CERKL: variants seen among roughly 807,000 people sequenced by gnomAD.
CERKL encodes ceramide kinase-like protein.
Under a neutral mutation model 63.4 loss-of-function variants are expected in CERKL, and 61 were observed. The observed-to-expected ratio is 0.96, with a 90% CI of 0.78 to 1.19. The LOEUF (loss-of-function observed/expected upper bound fraction) is 1.19. CERKL is among the 50% of genes most tolerant of loss of function. The pLI, the probability that CERKL is intolerant of heterozygous loss-of-function variation, is 0.00. For synonymous variants in CERKL, 250 were observed against 230.5 expected, an observed-to-expected ratio of 1.08 and a Z score of -0.77; for missense variants, 675 against 655.5, an observed-to-expected ratio of 1.03 and a Z score of -0.33.
intron 4 of CERKL, among the ~76,000 whole-genome samples, chr2:181,564,386 A>G (rs2105830150): frequency 6.6e-6 from 1 of 152,258 alleles, no homozygotes; most frequent in African/African-American, 2.4e-5. Flanking sequence ...ACACTTACAT[A>G]ACTCAATTCA....
intron 1 of CERKL, among the ~76,000 whole-genome samples, chr2:181,628,927 C>T (rs1022331642): frequency 6.6e-6 from 1 of 152,034 alleles, no homozygotes; most frequent in Non-Finnish European, 1.5e-5. Context: ...CAGAGCCTTA[C>T]CAAATCAAGA....
At chr2:181,631,046 A>C (rs1686935343) in intron 1 of CERKL, among the ~76,000 whole-genome samples, 1 of 152,200 alleles carries the variant, frequency 6.6e-6, no homozygotes, top group Non-Finnish European at 1.5e-5. Flanking sequence ...GAATTATTTT[A>C]GGTGGGAATT....
intron 1 of CERKL, among the ~76,000 whole-genome samples, chr2:181,612,516 T>A (rs1224129579): frequency 1.3e-5 from 2 of 152,192 alleles, no homozygotes; most frequent in Admixed American, 6.5e-5. Flanking sequence ...TGTGCTTCTT[T>A]GTATCTGGTT....
chr2:181,591,121 T>C (rs993650), intron 2 of CERKL, among the ~76,000 whole-genome samples: 56,283 of 152,012 alleles, frequency 0.37, 13,652 homozygotes, highest in African/African-American at 0.68. Flanking sequence ...TTCCAGTATA[T>C]GCTGTTAAGT....
At chr2:181,607,348 A>C (rs6433926) in intron 1 of CERKL, among the ~76,000 whole-genome samples, 112,623 of 152,126 alleles carry the variant, frequency 0.74, 43,034 homozygotes, top group East Asian at 0.94. Flanking sequence ...ATTCAACATT[A>C]CAATTAACTA....
chr2:181,554,054 C>T (rs931913192), intron 5 of CERKL, among the ~76,000 whole-genome samples: 1 of 151,702 alleles, frequency 6.6e-6, no homozygotes, highest in Non-Finnish European at 1.5e-5. Flanking sequence ...ACTTTGCCTA[C>T]CACTTCCTCC....
intron 1 of CERKL, among the ~76,000 whole-genome samples, chr2:181,634,112 C>T (rs1189960440): frequency 1.3e-5 from 2 of 152,234 alleles, no homozygotes; most frequent in African/African-American, 4.8e-5. Context: ...CCATAGACAG[C>T]TTCGGTTTCT....
Position 181,558,771 on chromosome 2 carries a change from A to T in CERKL, c.678-63T>A. The T allele has an allele frequency of 3.9e-6, 6 of 1,530,650 alleles. No individual in the cohort carries two copies. Among genetic ancestry groups the T allele is most frequent in the Non-Finnish European group, 4.5e-6 (5 of 1,106,390 alleles). The allele number at this position is 1,530,650 out of a possible 1,614,324, so 94.8% of individuals were successfully genotyped here. A position where few individuals can be genotyped will look rare whatever the true frequency, so the allele number is the denominator to read the frequency against. ...CAGAATGATTGGTAATAAGTCATGA[A>T]ATCTAGACTTCAAAATAGTTTACTA... On this transcript the variant is annotated intron_variant, in intron 4 of 12. Transcript: ENST00000410087. The surrounding 1 kb of genome is among the most constrained non-coding windows in gnomAD (Gnocchi z 4.2).
Position 181,559,227 on chromosome 2 carries a change from A to G in CERKL, c.678-519T>C, listed in dbSNP as rs371062179. On this transcript the variant is annotated intron_variant, in intron 4 of 12. Coordinates refer to ENST00000410087, the MANE Select transcript of CERKL (RefSeq NM_201548.5). ...TAATTACAAACCTGACCTGAATTTC[A>G]TCTCCTTGACATTATTGCTATACGG... is the stretch of plus-strand genomic sequence containing the variant. 1.2e-3 allele frequency among the ~76,000 whole-genome samples: 183 copies of G among 152,268 alleles called. 6 individuals are homozygous for G. In the South Asian group the frequency reaches 0.035, roughly 30 times the overall value.
chr2:181,656,654 G>C, intron 1 of CERKL, 115 bp downstream of exon 1: 1 of 901,838 alleles, frequency 1.1e-6, no homozygotes, highest in Non-Finnish European at 1.6e-6. Flanking sequence ...GCGAGCACGG[G>C]GAGGGGAGGC....
At chr2:181,588,030 T>A (rs1422449694) in intron 2 of CERKL, among the ~76,000 whole-genome samples, 3 of 152,224 alleles carry the variant, frequency 2.0e-5, no homozygotes, top group African/African-American at 4.8e-5. Flanking sequence ...TACATCATGT[T>A]GTTTTGAAAT....
chr2:181,632,313 T>C (rs1181053463), intron 1 of CERKL, among the ~76,000 whole-genome samples: 1 of 152,158 alleles, frequency 6.6e-6, no homozygotes, highest in Non-Finnish European at 1.5e-5. Context: ...AAAACAGAAA[T>C]CCCTTAACAC....
At chr2:181,576,928 G>A (rs1684254545) in intron 2 of CERKL, among the ~76,000 whole-genome samples, 1 of 152,140 alleles carries the variant, frequency 6.6e-6, no homozygotes, top group African/African-American at 2.4e-5. Flanking sequence ...TTCAAATTGT[G>A]GTCTCAGAGA....
At chr2:181,644,599 T>C (rs1170297017) in intron 1 of CERKL, among the ~76,000 whole-genome samples, 1 of 152,176 alleles carries the variant, frequency 6.6e-6, no homozygotes, top group South Asian at 2.1e-4. Context: ...CTTCCTGCCA[T>C]GAACCTCACA....
intron 3 of CERKL, among the ~76,000 whole-genome samples, chr2:181,568,583 G>C (rs906780363): frequency 1.3e-5 from 2 of 151,634 alleles, no homozygotes; most frequent in Non-Finnish European, 2.9e-5. Context: ...TCTGTAACCA[G>C]AATATCTAAA....
intron 2 of CERKL, among the ~76,000 whole-genome samples, chr2:181,598,607 G>C (rs1685322449): frequency 6.6e-6 from 1 of 152,086 alleles, no homozygotes; most frequent in South Asian, 2.1e-4. Context: ...CTGGATTGCA[G>C]CCTGAACTGT....
chr2:181,639,555 G>A (rs551271106), intron 1 of CERKL, among the ~76,000 whole-genome samples: 64 of 152,296 alleles, frequency 4.2e-4, no homozygotes, highest in South Asian at 1.4e-3. Context: ...TGTCTTAAAA[G>A]CCTGAAAGAA....
At chr2:181,651,394 T>C (rs1458607988) in intron 1 of CERKL, among the ~76,000 whole-genome samples, 2 of 152,190 alleles carry the variant, frequency 1.3e-5, no homozygotes, top group African/African-American at 4.8e-5. Context: ...GCAGTAAATG[T>C]GATACACATT....
At position 181,621,653 on chromosome 2, in the gene CERKL, C is replaced by T. The variant is rs927683683; in HGVS notation, c.239-17574G>A. On this transcript the variant is annotated intron_variant, in intron 1 of 12. Coordinates refer to ENST00000410087, the MANE Select transcript of CERKL (RefSeq NM_201548.5). Reference sequence around the variant, plus strand: ...GCATAGTTAGTACTATGATAAGAAGCCAAAACTAAAGGTGAAGTTGAGAAA... The same window carrying T: ...GCATAGTTAGTACTATGATAAGAAGTCAAAACTAAAGGTGAAGTTGAGAAA... Among the ~76,000 whole-genome samples, 5 of 152,140 alleles carry T rather than the reference C, an allele frequency of 3.3e-5. No homozygotes were observed. In the South Asian group the frequency reaches 1.0e-3, roughly 32 times the overall value.
Sources: allele counts gnomAD v4.1 joint callset (sites outside exome capture counted in the v4.1 genomes callset), GRCh38; gene constraint gnomAD v4.1.1; non-coding constraint Gnocchi (gnomAD v3.1); transcripts MANE v1.5; gene names NCBI Gene and HGNC (gene_info 2026-07-23, HGNC 2026-07-21).